The following FRMPD4 variants were observed in gnomAD, a reference collection of about 807,000 sequenced individuals.
FRMPD4 encodes the protein FERM and PDZ domain-containing protein 4.
FRMPD4 carries 22 observed loss-of-function variants against 94.1 expected under a neutral mutation model. That is an observed-to-expected ratio of 0.23 (90% CI 0.17 to 0.33). The LOEUF (loss-of-function observed/expected upper bound fraction) is 0.33, where lower values mean the gene tolerates loss of function less well. FRMPD4 is among the 10% of genes least tolerant of loss of function. FRMPD4 has a pLI of 1.00. For missense variants in FRMPD4, 1,111 were observed against 1,339.9 expected, an observed-to-expected ratio of 0.83 and a Z score of 2.67; for synonymous variants, 631 against 548.6, an observed-to-expected ratio of 1.15 and a Z score of -2.10.
chrX:12,494,086 T>C (rs1013172097), intron 1 of FRMPD4, among the ~76,000 whole-genome samples: 1 of 112,372 alleles, frequency 8.9e-6, no homozygotes, highest in African/African-American at 3.2e-5. Context: ...TTGAGAATGC[T>C]TGGTTTTATG....
At chrX:12,425,353 A>G (rs2056933370) in intron 1 of FRMPD4, among the ~76,000 whole-genome samples, 1 of 112,354 alleles carries the variant, frequency 8.9e-6, no homozygotes, top group South Asian at 3.7e-4. Flanking sequence ...CAGTGGAAAC[A>G]AAACAAAAAT....
chrX:12,534,054 G>A (rs1429674964), intron 2 of FRMPD4, among the ~76,000 whole-genome samples: 1 of 112,617 alleles, frequency 8.9e-6, no homozygotes, highest in Non-Finnish European at 1.9e-5. Context: ...CACAGGCCAG[G>A]CCCAGGGTTC....
intron 4 of FRMPD4, among the ~76,000 whole-genome samples, chrX:12,653,509 T>C (rs1478006775): frequency 3.6e-5 from 4 of 111,985 alleles, no homozygotes; most frequent in Non-Finnish European, 7.5e-5. Flanking sequence ...AGAGGGGTTC[T>C]GGTTGAAAAG....
intron 3 of FRMPD4, among the ~76,000 whole-genome samples, chrX:11,933,877 T>C (rs1257690388): frequency 2.7e-5 from 3 of 112,311 alleles, no homozygotes; most frequent in African/African-American, 6.5e-5. Context: ...AATAACCTTG[T>C]TCCCTCGTTT....
intron 2 of FRMPD4, among the ~76,000 whole-genome samples, chrX:12,590,240 C>T (rs1028091888): frequency 2.7e-5 from 3 of 112,016 alleles, no homozygotes; most frequent in African/African-American, 9.7e-5. Flanking sequence ...TCCTCCTCAG[C>T]GTCAATAAAT....
chrX:12,084,889 A>G (rs1347195465), intron 3 of FRMPD4, among the ~76,000 whole-genome samples: 2 of 112,352 alleles, frequency 1.8e-5, no homozygotes, highest in Non-Finnish European at 3.7e-5. Context: ...CTAATGTGAC[A>G]TTTTAAATTT....
chrX:12,559,659 A>AAG (rs1555984303), intron 2 of FRMPD4, among the ~76,000 whole-genome samples: 2 of 109,799 alleles, frequency 1.8e-5, no homozygotes, highest in Non-Finnish European at 3.8e-5. Context: ...CAAGGAAAAA[A>AAG]AAAAACAAAA....
intron 6 of FRMPD4, among the ~76,000 whole-genome samples, chrX:12,683,797 A>C (rs2059995548): frequency 2.7e-5 from 3 of 112,349 alleles, no homozygotes; most frequent in African/African-American, 9.7e-5. Context: ...AATATGTGGT[A>C]GTCCAGGATT....
chrX:12,248,657 T>A (rs1053333346), intron 1 of FRMPD4, among the ~76,000 whole-genome samples: 2 of 112,442 alleles, frequency 1.8e-5, no homozygotes, highest in Non-Finnish European at 3.8e-5. Flanking sequence ...ATAAAGCAAA[T>A]TATCCATAAT....
chrX:12,720,608 A>C lies in FRMPD4; in HGVS notation c.4039A>C (p.Ile1347Leu). Reference protein sequence around the residue: ...AWSQHPEADPILLPSNIHSES... With the variant: ...AWSQHPEADPLLLPSNIHSES... ...GTCTCAACATCCTGAAGCTGATCCC[A>C]TCCTGCTACCATCAAACATTCACTC... Residue 1347 changes from isoleucine to leucine, a missense_variant, in exon 17 of 17, where the codon ATC becomes CTC. Physicochemically the swap from Ile to Leu is conservative, Grantham distance 5. This residue lies in a region of FRMPD4 where 551 missense variants were observed against 591.6 expected (regional missense o/e 0.93). Coordinates refer to ENST00000675598, the MANE Select transcript of FRMPD4 (RefSeq NM_001368397.1). 8.4e-7 allele frequency: 1 copy of C among 1,195,369 alleles called. No homozygotes were observed. The highest frequency in any genetic ancestry group is 1.1e-6 in the Non-Finnish European group (1 of 888,894).
intron 3 of FRMPD4, among the ~76,000 whole-genome samples, chrX:11,915,221 G>A (rs899237056): frequency 3.9e-4 from 44 of 112,531 alleles, no homozygotes; most frequent in African/African-American, 1.4e-3. Flanking sequence ...TCTCCTCTAA[G>A]CTGCATAAGA....
chrX:11,999,533 C>T (rs371857986), intron 3 of FRMPD4, among the ~76,000 whole-genome samples: 2 of 112,179 alleles, frequency 1.8e-5, no homozygotes, highest in African/African-American at 3.2e-5. Flanking sequence ...AGATAAACAA[C>T]ATTGGGTGTA....
chrX:11,867,128 T>C (rs1380318686), intron 2 of FRMPD4, among the ~76,000 whole-genome samples: 1 of 111,703 alleles, frequency 9.0e-6, no homozygotes. Context: ...TCTATAGCTG[T>C]ATATATTTAC....
intron 1 of FRMPD4, among the ~76,000 whole-genome samples, chrX:12,301,629 C>A (rs1358211214): frequency 8.9e-6 from 1 of 112,217 alleles, no homozygotes; most frequent in Non-Finnish European, 1.9e-5. Context: ...CAGATTTTTA[C>A]AAATACAGCA....
chrX:12,581,294 T>C (rs2148377658), intron 2 of FRMPD4, among the ~76,000 whole-genome samples: 1 of 112,289 alleles, frequency 8.9e-6, no homozygotes, highest in African/African-American at 3.2e-5. Context: ...GAAAATTACA[T>C]GAACCATTCT....
intron 1 of FRMPD4, among the ~76,000 whole-genome samples, chrX:12,268,510 C>T (rs1405616427): frequency 8.9e-6 from 1 of 111,889 alleles, no homozygotes; most frequent in Non-Finnish European, 1.9e-5. Context: ...GGGTATTAAC[C>T]TCTTAGGATG....
At chrX:12,154,686 C>T (rs937123281) in intron 1 of FRMPD4, among the ~76,000 whole-genome samples, 1 of 112,849 alleles carries the variant, frequency 8.9e-6, no homozygotes, top group Non-Finnish European at 1.9e-5. Context: ...AGTATACTTT[C>T]TTACTTTGAG....
chrX:12,546,017 G>C (rs754905394), intron 2 of FRMPD4, among the ~76,000 whole-genome samples: 2 of 111,894 alleles, frequency 1.8e-5, no homozygotes, highest in Non-Finnish European at 3.8e-5. Flanking sequence ...TGGAGAACAG[G>C]GTCATTTAAA....
At chrX:12,199,413 T>G (rs1403665814) in intron 1 of FRMPD4, among the ~76,000 whole-genome samples, 1 of 110,769 alleles carries the variant, frequency 9.0e-6, no homozygotes, top group Non-Finnish European at 1.9e-5. Context: ...GAATAAAACA[T>G]CTCGTTTACT....
Sources: allele counts gnomAD v4.1 joint callset (sites outside exome capture counted in the v4.1 genomes callset), GRCh38; gene constraint gnomAD v4.1.1; regional missense constraint gnomAD v4.1.1; transcripts MANE v1.5; gene names NCBI Gene and HGNC (gene_info 2026-07-23, HGNC 2026-07-21).